The following LIPH variants were observed in gnomAD, a reference collection of about 807,000 sequenced individuals.
LIPH encodes lipase H.
LIPH carries 32 observed loss-of-function variants against 47.6 expected under a neutral mutation model. The ratio of observed to expected loss-of-function variants is 0.67; its 90% CI spans 0.51 to 0.90. The LOEUF (loss-of-function observed/expected upper bound fraction) is 0.90. Among genes scored for constraint, LIPH ranks in the 40% least tolerant of loss-of-function variants. LIPH has a pLI of 0.00. For synonymous variants in LIPH, 190 were observed against 195.6 expected (o/e 0.97, Z 0.24); for missense variants, 497 against 541.4 (o/e 0.92, Z 0.81).
intron 1 of LIPH, among the ~76,000 whole-genome samples, chr3:185,547,258 A>G (rs1720905655): frequency 6.6e-6 from 1 of 152,228 alleles, no homozygotes; most frequent in African/African-American, 2.4e-5. Context: ...TAGGACATGT[A>G]GAAGTGAAAT....
At chr3:185,539,803 T>C (rs1002060739) in intron 1 of LIPH, among the ~76,000 whole-genome samples, 1 of 152,238 alleles carries the variant, frequency 6.6e-6, no homozygotes, top group African/African-American at 2.4e-5. Context: ...GTGGTGCCCA[T>C]AGAAGTGCCT....
At chr3:185,539,659 C>T (rs1720640296) in intron 1 of LIPH, among the ~76,000 whole-genome samples, 1 of 152,174 alleles carries the variant, frequency 6.6e-6, no homozygotes, top group Non-Finnish European at 1.5e-5. Context: ...GTGTGAGCCA[C>T]CACGCCCGGC....
intron 1 of LIPH, among the ~76,000 whole-genome samples, chr3:185,541,431 G>A (rs1720708774): frequency 1.4e-5 from 2 of 145,308 alleles, no homozygotes; most frequent in African/African-American, 2.5e-5. Flanking sequence ...TTGAGACAGG[G>A]TCTCACTCTG....
Position 185,552,560 on chromosome 3 carries a change from A to T in LIPH, c.-89T>A. On this transcript the variant is annotated 5_prime_UTR_variant, in exon 1 of 10. Coordinates refer to ENST00000296252, the MANE Select transcript of LIPH (RefSeq NM_139248.3). ...GTTTCCACTGTGGGATTTTGCTCAC[A>T]GTGAGCTCAGACGACTCAGAGGTGT... 1 of 939,622 alleles carries T rather than the reference A, an allele frequency of 1.1e-6. No homozygotes were observed. The highest frequency in any genetic ancestry group is 1.8e-6 in the Non-Finnish European group (1 of 568,588). 58.2% of individuals were successfully genotyped at this position (939,622 alleles called of 1,614,324 possible).
intron 3 of LIPH, among the ~76,000 whole-genome samples, chr3:185,529,962 GAAGGAAAGAAAGAA>G (rs199733939): frequency 0.039 from 2,223 of 57,214 alleles, 42 homozygotes; most frequent in Middle Eastern, 0.098. Flanking sequence ...AAGAAAGAAA[GAAGGAAAGAAAGAA>G]AGAGAGAGAG....
Position 185,508,580 on chromosome 3 carries a change from G to A in LIPH, c.*210C>T. ...CGCTGCTGCGAGCCTGGCTATTTCT[G>A]ACTTGCCCTAGTTAGGGGCTCCTTC... On this transcript the variant is annotated 3_prime_UTR_variant, in exon 10 of 10. Transcript: ENST00000296252. 1 of 577,808 alleles carries A rather than the reference G, an allele frequency of 1.7e-6. No homozygotes were observed. Among genetic ancestry groups the A allele is most frequent in the East Asian group, 3.0e-5 (1 of 33,270 alleles). 35.8% of individuals were successfully genotyped at this position (577,808 alleles called of 1,614,324 possible).
intron 1 of LIPH, 139 bp from the exon 2 acceptor site, chr3:185,535,271 G>A: frequency 2.0e-6 from 2 of 995,664 alleles, no homozygotes; most frequent in Non-Finnish European, 3.1e-6. Flanking sequence ...GTTGAATGAA[G>A]TTGCAAAATC....
chr3:185,544,320 T>C (rs1366380583), intron 1 of LIPH, among the ~76,000 whole-genome samples: 2 of 152,134 alleles, frequency 1.3e-5, no homozygotes, highest in African/African-American at 4.8e-5. Context: ...CCCTGGAGAA[T>C]GGAGAATTTT....
At chr3:185,546,653 A>G (rs1050296895) in intron 1 of LIPH, among the ~76,000 whole-genome samples, 1 of 152,200 alleles carries the variant, frequency 6.6e-6, no homozygotes, top group African/African-American at 2.4e-5. Flanking sequence ...TCAAAAAGTT[A>G]GCTGGGCGTG....
chr3:185,524,722 T>A lies in LIPH; in HGVS notation c.629-562A>T, dbSNP rs376740784. Among the ~76,000 whole-genome samples, 6 of 152,334 alleles carry A rather than the reference T, an allele frequency of 3.9e-5. No individual in the cohort carries two copies. The East Asian group carries it at 9.6e-4, about 24-fold the overall frequency. ...CCTCGGCCTCCCAAAGCGCTGGTAT[T>A]ACAGGCATGAGCCATTGCGCCTGGC... On this transcript the variant is annotated intron_variant, in intron 4 of 9. Transcript: ENST00000296252.
intron 2 of LIPH, 128 bp downstream of exon 2, chr3:185,534,637 G>T (rs944518054): frequency 5.6e-6 from 5 of 886,888 alleles, no homozygotes; most frequent in Middle Eastern, 3.4e-4. Flanking sequence ...CTTCCCTGGG[G>T]CTTATTCACA....
chr3:185,535,066 A>G lies in LIPH; in HGVS notation c.116T>C (p.Leu39Pro). 6.2e-7 allele frequency: 1 copy of G among 1,614,028 alleles called. No individual in the cohort carries two copies. Among genetic ancestry groups the G allele is most frequent in the Non-Finnish European group, 8.5e-7 (1 of 1,179,972 alleles). ...TGTGTAGAGCATCAGCCTCACATTT[A>G]GTCCCGTACCAACCACTGCACTGTG... ...SFHSAVVGTG[L>P]NVRLMLYTRK... is the part of the protein sequence containing the mutation. The change falls in exon 2 of 10, where the codon CTA (leucine) becomes CCA (proline). Residue 39 changes from leucine (L) to proline (P), a missense_variant. Coordinates refer to ENST00000296252, the MANE Select transcript of LIPH (RefSeq NM_139248.3).
rs1305631090 is a variant in LIPH, at chr3:185,516,971, T to C, written c.982+96A>G. On this transcript the variant is annotated intron_variant, in intron 7 of 9. Coordinates refer to ENST00000296252, the MANE Select transcript of LIPH (RefSeq NM_139248.3). ...CAGCTCCAAAGTTGATGCTTCATCA[T>C]GGCTCTTATTTGCCAAGAAGTAGCC... 4.8e-6 allele frequency: 4 copies of C among 836,166 alleles called. No individual in the cohort carries two copies. The African/African-American group carries it at 5.0e-5, about 10-fold the overall frequency. 51.8% of individuals were successfully genotyped at this position (836,166 alleles called of 1,614,324 possible). A position where few individuals can be genotyped will look rare whatever the true frequency, so the allele number is the denominator to read the frequency against.
At chr3:185,512,487 CTTTTTTTTT>C (rs549114120) in intron 8 of LIPH, among the ~76,000 whole-genome samples, 2 of 130,964 alleles carry the variant, frequency 1.5e-5, no homozygotes, top group South Asian at 5.0e-4. Flanking sequence ...GACATTAATC[CTTTTTTTTT>C]TTTTTTTTTT....
chr3:185,544,339 GT>G (rs1030642339), intron 1 of LIPH, among the ~76,000 whole-genome samples: 6 of 148,378 alleles, frequency 4.0e-5, no homozygotes, highest in African/African-American at 1.5e-4. Context: ...TTCCTCTGTT[GT>G]TTTTTTTTGT....
chr3:185,543,157 TGAG>T (rs1262284057), intron 1 of LIPH, among the ~76,000 whole-genome samples: 1 of 152,078 alleles, frequency 6.6e-6, no homozygotes, highest in African/African-American at 2.4e-5. Context: ...CGCAGTGAGC[TGAG>T]ATCATGCCAC....
At chr3:185,538,874 CATATATATACATATATACGT>C (rs1720603244) in intron 1 of LIPH, among the ~76,000 whole-genome samples, 1 of 140,500 alleles carries the variant, frequency 7.1e-6, no homozygotes, top group African/African-American at 2.6e-5. Flanking sequence ...CATATATACA[CATATATATACATATATACGT>C]ATATACACAT....
intron 9 of LIPH, among the ~76,000 whole-genome samples, chr3:185,510,082 G>A (rs919277107): frequency 2.0e-5 from 3 of 151,830 alleles, no homozygotes; most frequent in Non-Finnish European, 2.9e-5. Flanking sequence ...GAGTAGCTGG[G>A]ATTACAGGTG....
intron 2 of LIPH, 33 bp from the exon 3 acceptor site, chr3:185,533,712 G>T (rs1453487485): frequency 1.5e-6 from 2 of 1,353,736 alleles, no homozygotes; most frequent in Admixed American, 1.7e-5. Flanking sequence ...ATTGTAAATT[G>T]TAAGGGGCCA....
Sources: gnomAD v4.1 joint callset for allele counts (sites outside exome capture counted in the v4.1 genomes callset) on GRCh38, gnomAD v4.1.1 for gene constraint, MANE v1.5 for transcripts, NCBI Gene and HGNC (gene_info 2026-07-23, HGNC 2026-07-21) for gene names.